Variants in KIF27 observed in about 807,000 individuals in gnomAD.
The protein encoded by KIF27 is kinesin-like protein KIF27.
KIF27 carries 84 observed loss-of-function variants against 141.8 expected under a neutral mutation model. The observed-to-expected ratio is 0.59, with a 90% CI of 0.50 to 0.71. The LOEUF (loss-of-function observed/expected upper bound fraction) is 0.71. Ranked by LOEUF, KIF27 falls within the 30% of genes least tolerant of loss-of-function variation. The pLI is 0.00. For synonymous variants in KIF27, 471 were observed against 569.5 expected, an observed-to-expected ratio of 0.83 and a Z score of 2.46; for missense variants, 1,306 against 1,628.4, an observed-to-expected ratio of 0.80 and a Z score of 3.41.
At chr9:83,918,237 T>A (rs1351830330) in intron 1 of KIF27, among the ~76,000 whole-genome samples, 4 of 144,756 alleles carry the variant, frequency 2.8e-5, no homozygotes, top group Non-Finnish European at 3.0e-5. Context: ...TCTGCACCAC[T>A]GCACTATAAC....
At chr9:83,841,126 A>G (rs1298981213) in intron 17 of KIF27, among the ~76,000 whole-genome samples, 8 of 151,772 alleles carry the variant, frequency 5.3e-5, no homozygotes, top group Non-Finnish European at 8.8e-5. Flanking sequence ...GTCGGGGTGC[A>G]ATGTCGTGAT....
chr9:83,900,603 A>G (rs1953771066), intron 4 of KIF27, among the ~76,000 whole-genome samples: 1 of 150,374 alleles, frequency 6.7e-6, no homozygotes, highest in African/African-American at 2.4e-5. Flanking sequence ...GAAGAAAAGA[A>G]GTCATTATAC....
At chr9:83,848,590 A>C (rs971719422) in intron 16 of KIF27, 6 of 147,452 alleles carry the variant, frequency 4.1e-5, no homozygotes. Flanking sequence ...CATATATGCT[A>C]TATGAATATA....
intron 2 of KIF27, among the ~76,000 whole-genome samples, chr9:83,910,434 C>T (rs372138680): frequency 6.0e-4 from 92 of 152,260 alleles, no homozygotes; most frequent in African/African-American, 1.5e-3. Context: ...AATTCATTTA[C>T]GTTGGCAAGA....
intron 2 of KIF27, among the ~76,000 whole-genome samples, chr9:83,912,785 GA>G (rs1955298503): frequency 6.6e-6 from 1 of 151,964 alleles, no homozygotes; most frequent in African/African-American, 2.4e-5. Flanking sequence ...AAAGTTTTTG[GA>G]AAAGGCTATA....
chr9:83,899,169 A>C (rs967531684), intron 5 of KIF27, among the ~76,000 whole-genome samples: 19 of 152,226 alleles, frequency 1.2e-4, no homozygotes, highest in African/African-American at 3.9e-4. Context: ...AGGGAGTTTA[A>C]TATGTAGAGG....
At chr9:83,901,115 T>C (rs1028297989) in intron 4 of KIF27, among the ~76,000 whole-genome samples, 1 of 152,122 alleles carries the variant, frequency 6.6e-6, no homozygotes, top group Non-Finnish European at 1.5e-5. Flanking sequence ...TATGCCACCA[T>C]GCCTGGCTAG....
chr9:83,860,687 G>A (rs1487491254), intron 13 of KIF27, among the ~76,000 whole-genome samples: 1 of 151,932 alleles, frequency 6.6e-6, no homozygotes, highest in Non-Finnish European at 1.5e-5. Flanking sequence ...TTCTTTTCTG[G>A]AAACATTTTG....
At chr9:83,860,515 A>G (rs1949772386) in intron 13 of KIF27, among the ~76,000 whole-genome samples, 1 of 152,164 alleles carries the variant, frequency 6.6e-6, no homozygotes, top group Non-Finnish European at 1.5e-5. Flanking sequence ...TCATTATTAT[A>G]ACTTTGTTAT....
At position 83,834,170 on chromosome 9, in the gene KIF27, A is replaced by G. The variant is rs1437972646; in HGVS notation, c.*2831T>C. Among the ~76,000 whole-genome samples the G allele has an allele frequency of 6.6e-6, 1 of 152,182 alleles. No individual in the cohort carries two copies. Among genetic ancestry groups the G allele is most frequent in the Admixed American group, 6.5e-5 (1 of 15,282 alleles). ...TAATGAACGAAAAAAAGAAAACCAC[A>G]AACATTTTATATACATGCAAAAAGG... On this transcript the variant is annotated 3_prime_UTR_variant, in exon 18 of 18. Transcript: ENST00000297814.
chr9:83,865,102 C>G (rs1377343725), intron 13 of KIF27, among the ~76,000 whole-genome samples: 3 of 152,020 alleles, frequency 2.0e-5, no homozygotes, highest in Non-Finnish European at 4.4e-5. Flanking sequence ...CCTCACATTA[C>G]TGGTGTTGAG....
chr9:83,872,687 T>C (rs1453135046), intron 11 of KIF27, among the ~76,000 whole-genome samples: 2 of 152,102 alleles, frequency 1.3e-5, no homozygotes, highest in African/African-American at 2.4e-5. Context: ...GAAGCACTGA[T>C]AGGAAGTAAA....
chr9:83,920,450 G>A (rs1343017006), intron 1 of KIF27, among the ~76,000 whole-genome samples: 10 of 152,170 alleles, frequency 6.6e-5, no homozygotes, highest in Admixed American at 5.9e-4. Flanking sequence ...TCTGAGCAAA[G>A]GCAAGAGAAA....
At chr9:83,845,338 T>C (rs1371339357) in intron 16 of KIF27, among the ~76,000 whole-genome samples, 1 of 152,142 alleles carries the variant, frequency 6.6e-6, no homozygotes. Context: ...TATCTAGCTA[T>C]AAAGTGGGTC....
chr9:83,850,906 C>T (rs1320713577), intron 15 of KIF27, among the ~76,000 whole-genome samples: 2 of 114,128 alleles, frequency 1.8e-5, no homozygotes, highest in African/African-American at 3.4e-5. Flanking sequence ...GGTGCAATCT[C>T]GGCTCACTGC....
intron 2 of KIF27, among the ~76,000 whole-genome samples, chr9:83,911,387 C>T (rs557436599): frequency 6.6e-6 from 1 of 152,252 alleles, no homozygotes; most frequent in African/African-American, 2.4e-5. Context: ...CCCACCACCA[C>T]ACATGGCTAA....
Position 83,887,022 on chromosome 9 carries a change from G to A in KIF27, c.2239+19C>T. On this transcript the variant is annotated intron_variant, in intron 9 of 17. Transcript: ENST00000297814. Reference sequence around the variant, plus strand: ...GAAGTTTTCTTTCTCATTTAAGCTGGTTCACAAGATACTATTACCTGTTTT... The same window carrying A: ...GAAGTTTTCTTTCTCATTTAAGCTGATTCACAAGATACTATTACCTGTTTT... 1.3e-6 allele frequency: 2 copies of A among 1,537,142 alleles called. No homozygotes were observed. The highest frequency in any genetic ancestry group is 1.3e-5 in the South Asian group (1 of 78,150).
chr9:83,858,785 T>A (rs1949551001), intron 14 of KIF27: 1 of 243,238 alleles, frequency 4.1e-6, no homozygotes, highest in South Asian at 6.7e-5. Flanking sequence ...CTAGTATCAT[T>A]CAAGAAATAT....
chr9:83,897,249 ATC>A (rs1321619159), intron 5 of KIF27, among the ~76,000 whole-genome samples: 1 of 152,204 alleles, frequency 6.6e-6, no homozygotes, highest in Non-Finnish European at 1.5e-5. Context: ...AAGAAATGTG[ATC>A]TTGGCTCAAG....
Sources: allele counts gnomAD v4.1 joint callset (sites outside exome capture counted in the v4.1 genomes callset), GRCh38; gene constraint gnomAD v4.1.1; transcripts MANE v1.5; gene names NCBI Gene and HGNC (gene_info 2026-07-23, HGNC 2026-07-21).